The following HDAC4 variants were observed in gnomAD, a reference collection of about 807,000 sequenced individuals.
HDAC4 encodes histone deacetylase A.
HDAC4 carries 16 observed loss-of-function variants against 135.1 expected under a neutral mutation model. The observed-to-expected ratio is 0.12, with a 90% CI of 0.08 to 0.18. HDAC4 has a LOEUF of 0.18. Ranked by LOEUF, HDAC4 falls within the 10% of genes least tolerant of loss-of-function variation. The pLI is 1.00. For missense variants in HDAC4, 1,143 were observed against 1,511.8 expected, an observed-to-expected ratio of 0.76 and a Z score of 4.05; for synonymous variants, 685 against 653.4, an observed-to-expected ratio of 1.05 and a Z score of -0.74.
chr2:239,380,314 T>C (rs1362920808), intron 1 of HDAC4, among the ~76,000 whole-genome samples: 5 of 149,634 alleles, frequency 3.3e-5, no homozygotes, highest in Non-Finnish European at 7.4e-5. Flanking sequence ...ATAATTCATG[T>C]ATTTAATGTA....
chr2:239,135,991 A>T (rs2040927010), intron 9 of HDAC4, among the ~76,000 whole-genome samples: 1 of 152,240 alleles, frequency 6.6e-6, no homozygotes, highest in Non-Finnish European at 1.5e-5. Context: ...GACTTGAACT[A>T]CTGTGATATT....
chr2:239,223,034 ATT>A (rs2047050755), intron 3 of HDAC4, among the ~76,000 whole-genome samples: 1 of 152,148 alleles, frequency 6.6e-6, no homozygotes, highest in Non-Finnish European at 1.5e-5. Context: ...ATAAAAATAT[ATT>A]GTCTGAAAAT....
chr2:239,202,207 AG>A (rs2045798292), intron 3 of HDAC4, among the ~76,000 whole-genome samples: 1 of 152,150 alleles, frequency 6.6e-6, no homozygotes. Flanking sequence ...GACTACCTAT[AG>A]TAGGAAGCTC....
chr2:239,343,144 A>G (rs1692399068), intron 2 of HDAC4, among the ~76,000 whole-genome samples: 1 of 152,352 alleles, frequency 6.6e-6, no homozygotes, highest in East Asian at 1.9e-4. Context: ...TATAATTCAA[A>G]AAAGTTTAGG....
chr2:239,298,218 T>G (rs2052029498), intron 2 of HDAC4: 1 of 1,289,570 alleles, frequency 7.8e-7, no homozygotes. Flanking sequence ...GTCTCGGTAT[T>G]CCGGAAGCAG....
At chr2:239,104,290 G>A (rs938909423) in intron 15 of HDAC4, among the ~76,000 whole-genome samples, 4 of 152,244 alleles carry the variant, frequency 2.6e-5, no homozygotes, top group East Asian at 1.9e-4. Context: ...GTGCAATGGC[G>A]CAATCTTGGC....
At chr2:239,061,203 TATGTGTGC>T (rs1325881918) in intron 24 of HDAC4, among the ~76,000 whole-genome samples, 4 of 151,866 alleles carry the variant, frequency 2.6e-5, no homozygotes, top group South Asian at 4.2e-4. Flanking sequence ...GCTTGTGGGG[TATGTGTGC>T]GTGTGTGGTG....
At chr2:239,310,631 C>G (rs780539982) in intron 2 of HDAC4, among the ~76,000 whole-genome samples, 20 of 152,224 alleles carry the variant, frequency 1.3e-4, no homozygotes, top group African/African-American at 3.4e-4. Flanking sequence ...GGAGCTCCCC[C>G]CTCTGCCCCC....
At chr2:239,343,187 A>C (rs534445903) in intron 2 of HDAC4, among the ~76,000 whole-genome samples, 1 of 152,268 alleles carries the variant, frequency 6.6e-6, no homozygotes, top group East Asian at 1.9e-4. Context: ...TCTTAATTTT[A>C]ATTTCTTAAA....
In HDAC4 at chr2:239,068,384, T is replaced by C. The variant is rs2033798644; in HGVS notation, c.2869+105A>G. 4.8e-6 allele frequency: 4 copies of C among 828,900 alleles called. No individual in the cohort carries two copies. Among genetic ancestry groups the C allele is most frequent in the Admixed American group, 1.8e-5 (1 of 55,098 alleles). 51.3% of individuals were successfully genotyped at this position (828,900 alleles called of 1,614,324 possible). A position where few individuals can be genotyped will look rare whatever the true frequency, so the allele number is the denominator to read the frequency against. On this transcript the variant is annotated intron_variant, in intron 23 of 26. Transcript: ENST00000543185. The surrounding 1 kb of genome is among the most constrained non-coding windows in gnomAD (Gnocchi z 4.4). ...AGAACCTTGGTCATTAGTAAAAAGG[T>C]GCCCTTCCTTATCTCGTTATTAAAA... is the stretch of plus-strand genomic sequence containing the variant.
intron 4 of HDAC4, among the ~76,000 whole-genome samples, chr2:239,178,195 T>C (rs1388118928): frequency 6.6e-6 from 1 of 152,216 alleles, no homozygotes; most frequent in Non-Finnish European, 1.5e-5. Flanking sequence ...TGCCACCCTC[T>C]GTGGCCGCAC....
rs2125636711 is a variant in HDAC4, at chr2:239,303,275, C to G, written c.22+49403G>C. Reference sequence around the variant, plus strand: ...GTCCCTGGAATCCCCGACAGCTTGACAATGTGAAATAAGTTTCGCTTCCTT... The same window carrying G: ...GTCCCTGGAATCCCCGACAGCTTGAGAATGTGAAATAAGTTTCGCTTCCTT... On this transcript the variant is annotated intron_variant, in intron 2 of 26. Transcript: ENST00000543185. The surrounding 1 kb of genome is among the most constrained non-coding windows in gnomAD (Gnocchi z 5.1). Among the ~76,000 whole-genome samples, 1 of 152,380 alleles carries G rather than the reference C, an allele frequency of 6.6e-6. No homozygotes were observed. The highest frequency in any genetic ancestry group is 6.5e-5 in the Admixed American group (1 of 15,308).
chr2:239,301,481 T>TA (rs2052267593), intron 2 of HDAC4, among the ~76,000 whole-genome samples: 1 of 138,318 alleles, frequency 7.2e-6, no homozygotes, highest in Admixed American at 7.7e-5. Context: ...CTTTTTTTTT[T>TA]TTTTTATTTT....
intron 22 of HDAC4, among the ~76,000 whole-genome samples, chr2:239,078,640 C>A (rs2035003325): frequency 6.6e-6 from 1 of 152,208 alleles, no homozygotes; most frequent in South Asian, 2.1e-4. Flanking sequence ...GAGATTAAAG[C>A]ACACGCCAAG....
At chr2:239,279,410 T>C (rs1191401967) in intron 2 of HDAC4, among the ~76,000 whole-genome samples, 2 of 152,228 alleles carry the variant, frequency 1.3e-5, no homozygotes, top group Non-Finnish European at 2.9e-5. Flanking sequence ...ACATCCATCT[T>C]ACAGACGAGA....
chr2:239,243,950 G>C (rs1405876504), intron 2 of HDAC4, among the ~76,000 whole-genome samples: 1 of 152,142 alleles, frequency 6.6e-6, no homozygotes, highest in Non-Finnish European at 1.5e-5. Flanking sequence ...GCCTCTCTTG[G>C]CTGCAACAGT....
At position 239,052,676 on chromosome 2, in the gene HDAC4, C is replaced by A. The variant is rs1438533127; in HGVS notation, c.*421G>T. 2 of 242,384 alleles carry A rather than the reference C, an allele frequency of 8.3e-6. No individual in the cohort carries two copies. The highest frequency in any genetic ancestry group is 1.0e-4 in the Admixed American group (2 of 19,544). The allele number at this position is 242,384 out of a possible 1,614,324, so 15.0% of individuals were successfully genotyped here. The stretch of plus-strand genomic sequence containing the variant: ...AGACTGTGGAGTTGTGGGTAATAAA[C>A]TTTAAGCACCAGTTTTAATCAAGTT... On this transcript the variant is annotated 3_prime_UTR_variant, in exon 27 of 27. Transcript: ENST00000543185.
rs1164775964 is a variant in HDAC4 at position 239,231,786 on chromosome 2, C to A, written c.94+4807G>T. Among the ~76,000 whole-genome samples the A allele has an allele frequency of 5.4e-5, 2 of 37,024 alleles. 1 individual carries two copies. Among genetic ancestry groups the A allele is most frequent in the African/African-American group, 3.0e-4 (2 of 6,774 alleles). 24.3% of individuals were successfully genotyped at this position (37,024 alleles called of 152,430 possible). ...CCTGAGGTAGGTGTCCTCCCCGAAG[C>A]GCCCCTGTCCTCAACCGAGGCTGCT... is the stretch of plus-strand genomic sequence containing the variant. On this transcript the variant is annotated intron_variant, in intron 3 of 26. Coordinates refer to ENST00000543185, the MANE Select transcript of HDAC4 (RefSeq NM_001378414.1).
intron 3 of HDAC4, among the ~76,000 whole-genome samples, chr2:239,193,065 G>A (rs188367953): frequency 3.9e-5 from 6 of 152,314 alleles, no homozygotes; most frequent in Admixed American, 2.0e-4. Flanking sequence ...ACTGCACAGC[G>A]TTGCATCTTG....
Sources: gnomAD v4.1 joint callset for allele counts (sites outside exome capture counted in the v4.1 genomes callset) on GRCh38, gnomAD v4.1.1 for gene constraint, Gnocchi (gnomAD v3.1) non-coding constraint, MANE v1.5 for transcripts, NCBI Gene and HGNC (gene_info 2026-07-23, HGNC 2026-07-21) for gene names.